MRPS31: variants seen among roughly 807,000 people sequenced by gnomAD.
The protein encoded by MRPS31 is small ribosomal subunit protein mS31.
In MRPS31, 32 loss-of-function variants were observed where a neutral mutation model predicts 43.1. The ratio of observed to expected loss-of-function variants is 0.74; its 90% CI spans 0.56 to 1.00. The LOEUF (loss-of-function observed/expected upper bound fraction) is 1.00, where lower values mean the gene tolerates loss of function less well. Ranked by LOEUF, MRPS31 falls within the 50% of genes least tolerant of loss-of-function variation. MRPS31 has a pLI of 0.00. For missense variants in MRPS31, 437 were observed against 466.7 expected, an observed-to-expected ratio of 0.94 and a Z score of 0.59; for synonymous variants, 165 against 161.6, an observed-to-expected ratio of 1.02 and a Z score of -0.16.
In MRPS31 at chr13:40,729,408, CT is replaced by C. The variant is rs1879598009; in HGVS notation, c.1151del (p.Lys384ArgfsTer4). ...EWFRNYFNEK[K>X]DILKESNIQF... ...GTATGTTACTTTCTTTTAGAATATCCTTTTTTTCATTAAAATAATTTCTAAA... is the reference window on the plus strand; with the variant it reads ...GTATGTTACTTTCTTTTAGAATATCCTTTTTTCATTAAAATAATTTCTAAA... On this transcript the variant is annotated frameshift_variant, in exon 7 of 7. Coordinates refer to ENST00000323563, the MANE Select transcript of MRPS31 (RefSeq NM_005830.4). LOFTEE classifies it high-confidence loss of function. 2.6e-6 allele frequency: 4 copies of C among 1,557,068 alleles called. No homozygotes were observed. The highest frequency in any genetic ancestry group is 1.1e-5 in the South Asian group (1 of 87,662).
At chr13:40,742,691 T>C (rs541572947) in intron 6 of MRPS31, among the ~76,000 whole-genome samples, 5 of 152,172 alleles carry the variant, frequency 3.3e-5, no homozygotes, top group Non-Finnish European at 7.3e-5. Context: ...ATATTTCAGA[T>C]ACCCTAGAGG....
Position 40,771,022 on chromosome 13 carries a change from C to G in MRPS31, c.115G>C (p.Gly39Arg). 1 of 1,614,146 alleles carries G rather than the reference C, an allele frequency of 6.2e-7. No homozygotes were observed. ...AAIMLLTVRH[G>R]TVRYRSSALL... ...GCTGAACTGCGGTACCTGACTGTTC[C>G]GTGCCGAACAGTGAGTAGCATAATC... is the stretch of plus-strand genomic sequence containing the variant. The change falls in exon 1 of 7, where the codon GGA becomes CGA. Residue 39 changes from glycine to arginine, a missense_variant. Gly to Arg is a moderately radical substitution (Grantham distance 125, BLOSUM62 -2). Transcript: ENST00000323563.
chr13:40,759,402 C>T (rs920990054), intron 2 of MRPS31, among the ~76,000 whole-genome samples: 18 of 152,204 alleles, frequency 1.2e-4, no homozygotes, highest in African/African-American at 4.3e-4. Context: ...CACGCCACTG[C>T]ACTCTAGCCT....
At chr13:40,768,843 T>C (rs1880920952) in intron 1 of MRPS31, among the ~76,000 whole-genome samples, 1 of 152,212 alleles carries the variant, frequency 6.6e-6, no homozygotes. Context: ...TTACAGTAGC[T>C]ATGTATGTTA....
intron 2 of MRPS31, among the ~76,000 whole-genome samples, chr13:40,763,002 T>C (rs1055388327): frequency 2.0e-5 from 3 of 152,226 alleles, no homozygotes; most frequent in Non-Finnish European, 4.4e-5. Flanking sequence ...CATCATTTCA[T>C]ACTAGTGAAA....
chr13:40,762,599 AT>A (rs542508914), intron 2 of MRPS31, among the ~76,000 whole-genome samples: 2 of 149,006 alleles, frequency 1.3e-5, no homozygotes, highest in Non-Finnish European at 3.0e-5. Context: ...ACACCCAGCT[AT>A]TTTTTTTTCA....
Position 40,749,290 on chromosome 13 carries a change from TAAAG to T in MRPS31, c.815-13_815-10del. ...AAGTGAAGGTGATGTGTCTACATAA[TAAAG>T]ACATTTTAGATAACAACAAGTCAAT... is the stretch of plus-strand genomic sequence containing the variant. On this transcript the variant is annotated splice_polypyrimidine_tract_variant and intron_variant, in intron 5 of 6. Transcript: ENST00000323563. 1 of 1,545,438 alleles carries T rather than the reference TAAAG, an allele frequency of 6.5e-7. No homozygotes were observed. The highest frequency in any genetic ancestry group is 8.7e-7 in the Non-Finnish European group (1 of 1,155,426).
chr13:40,748,847 C>T (rs1880310615), intron 6 of MRPS31, among the ~76,000 whole-genome samples: 3 of 152,096 alleles, frequency 2.0e-5, no homozygotes, highest in Admixed American at 1.3e-4. Flanking sequence ...TCCTGTTTAG[C>T]GATTAGAAAA....
At chr13:40,763,531 G>T (rs1420199995) in intron 2 of MRPS31, among the ~76,000 whole-genome samples, 1 of 151,958 alleles carries the variant, frequency 6.6e-6, no homozygotes, top group Non-Finnish European at 1.5e-5. Context: ...ATGAATTAGG[G>T]GTCAATTTTG....
intron 6 of MRPS31, among the ~76,000 whole-genome samples, chr13:40,738,654 A>T (rs1458033475): frequency 2.0e-5 from 3 of 152,216 alleles, no homozygotes; most frequent in African/African-American, 7.2e-5. Flanking sequence ...CAATAAATGT[A>T]ATCCAGCACA....
chr13:40,737,470 C>A (rs893616732), intron 6 of MRPS31, among the ~76,000 whole-genome samples: 1 of 152,028 alleles, frequency 6.6e-6, no homozygotes, highest in Non-Finnish European at 1.5e-5. Flanking sequence ...CCCAAATCAA[C>A]AGAATATACA....
At chr13:40,748,139 T>C (rs1266443844) in intron 6 of MRPS31, among the ~76,000 whole-genome samples, 1 of 152,176 alleles carries the variant, frequency 6.6e-6, no homozygotes, top group Non-Finnish European at 1.5e-5. Context: ...ACCCTAAAAG[T>C]AAATGAATCT....
intron 6 of MRPS31, among the ~76,000 whole-genome samples, chr13:40,740,852 G>A (rs1880066526): frequency 6.7e-6 from 1 of 148,338 alleles, no homozygotes; most frequent in Admixed American, 6.8e-5. Flanking sequence ...CGAGTTAGTG[G>A]GTGCAGCACA....
intron 6 of MRPS31, among the ~76,000 whole-genome samples, chr13:40,741,333 A>G (rs1176577987): frequency 1.3e-5 from 2 of 152,204 alleles, no homozygotes; most frequent in Non-Finnish European, 2.9e-5. Context: ...ACAAACTGGG[A>G]AACATATTTC....
chr13:40,767,359 G>A (rs1021213200), intron 1 of MRPS31, among the ~76,000 whole-genome samples: 1 of 152,182 alleles, frequency 6.6e-6, no homozygotes, highest in African/African-American at 2.4e-5. Flanking sequence ...GTTTCCCCAT[G>A]TTGGCCAGGC....
chr13:40,770,809 T>A, intron 1 of MRPS31, 176 bp downstream of exon 1: 1 of 739,512 alleles, frequency 1.4e-6, no homozygotes, highest in Non-Finnish European at 2.2e-6. Flanking sequence ...ACCAGGTTTG[T>A]AATCGTAGCT....
intron 5 of MRPS31, among the ~76,000 whole-genome samples, chr13:40,753,667 C>T (rs868820137): frequency 1.5e-4 from 23 of 152,144 alleles, no homozygotes; most frequent in African/African-American, 5.3e-4. Context: ...TAACAGTCAT[C>T]GCGCACACAG....
At chr13:40,762,230 TC>T (rs1880719402) in intron 2 of MRPS31, among the ~76,000 whole-genome samples, 1 of 152,190 alleles carries the variant, frequency 6.6e-6, no homozygotes, top group South Asian at 2.1e-4. Context: ...AGACTCTGTA[TC>T]AAAAAATGAA....
intron 2 of MRPS31, among the ~76,000 whole-genome samples, chr13:40,765,033 T>C (rs1311956513): frequency 6.6e-6 from 1 of 152,166 alleles, no homozygotes; most frequent in Admixed American, 6.5e-5. Context: ...AGATCATGAC[T>C]AACCTAATCC....
Sources: gnomAD v4.1 joint callset for allele counts (sites outside exome capture counted in the v4.1 genomes callset) on GRCh38, gnomAD v4.1.1 for gene constraint, MANE v1.5 for transcripts, NCBI Gene and HGNC (gene_info 2026-07-23, HGNC 2026-07-21) for gene names.